NTM: variants seen among roughly 807,000 people sequenced by gnomAD.
The protein encoded by NTM is IgLON family member 2.
A neutral mutation model predicts 42.1 loss-of-function variants in NTM; 13 were observed. The observed-to-expected ratio is 0.31, with a 90% confidence interval of 0.20 to 0.49. NTM has a LOEUF of 0.49. Ranked by LOEUF, NTM falls within the 20% of genes least tolerant of loss-of-function variation. The pLI is 0.99. For synonymous variants in NTM, 187 were observed against 179.2 expected, an observed-to-expected ratio of 1.04 and a Z score of -0.35; for missense variants, 373 against 452.8, an observed-to-expected ratio of 0.82 and a Z score of 1.60.
intron 1 of NTM, among the ~76,000 whole-genome samples, chr11:131,691,785 A>C (rs2074789469): frequency 6.6e-6 from 1 of 152,152 alleles, no homozygotes; most frequent in African/African-American, 2.4e-5. Context: ...CGGGGCTGGG[A>C]GGGAGGCGGC....
chr11:132,140,583 G>A (rs1458038231), intron 2 of NTM, among the ~76,000 whole-genome samples: 1 of 152,178 alleles, frequency 6.6e-6, no homozygotes, highest in African/African-American at 2.4e-5. Context: ...AAATCCAGTA[G>A]GGTCAAAATT....
At chr11:132,325,369 C>T (rs1191187442) in intron 7 of NTM, among the ~76,000 whole-genome samples, 40 of 152,184 alleles carry the variant, frequency 2.6e-4, no homozygotes, top group African/African-American at 9.7e-4. Context: ...CATGAACAGA[C>T]ACTTCTCAAA....
chr11:131,736,098 G>T (rs2080397543), intron 1 of NTM, among the ~76,000 whole-genome samples: 1 of 152,074 alleles, frequency 6.6e-6, no homozygotes, highest in Admixed American at 6.5e-5. Context: ...TTCCCAAAGT[G>T]CTGAGATTAC....
intron 4 of NTM, among the ~76,000 whole-genome samples, chr11:132,241,023 A>C (rs10894525): frequency 0.13 from 19,607 of 152,218 alleles, 1,868 homozygotes; most frequent in East Asian, 0.47. Context: ...GTTTCACACA[A>C]AAAATATTTA....
In NTM at chr11:131,625,313, C is replaced by G. The variant is rs147067335; in HGVS notation, c.82+254425C>G. 2.9e-3 allele frequency among the ~76,000 whole-genome samples: 438 copies of G among 152,302 alleles called. 2 individuals are homozygous for G. The highest frequency in any genetic ancestry group is 9.9e-3 in the African/African-American group (413 of 41,574). ...CCCCCATGATGGTCTTTATGGACCC[C>G]TCTGAGCAAGGGGAGACTCTCTTGT... On this transcript the variant is annotated intron_variant, in intron 1 of 8. Transcript: ENST00000683400.
chr11:132,293,152 G>GA (rs1317114292), intron 4 of NTM, among the ~76,000 whole-genome samples: 6 of 151,978 alleles, frequency 3.9e-5, no homozygotes, highest in South Asian at 2.1e-4. Flanking sequence ...TTATTGAATA[G>GA]AAAAAAATAA....
intron 1 of NTM, among the ~76,000 whole-genome samples, chr11:131,494,175 G>GTTA (rs904957547): frequency 6.6e-6 from 1 of 151,988 alleles, no homozygotes; most frequent in African/African-American, 2.4e-5. Flanking sequence ...TGTTACTATT[G>GTTA]TTATTATTAT....
chr11:131,968,763 A>G (rs1433360789), intron 2 of NTM, among the ~76,000 whole-genome samples: 1 of 152,134 alleles, frequency 6.6e-6, no homozygotes, highest in African/African-American at 2.4e-5. Flanking sequence ...ATTCACACAT[A>G]TCCTCCCCCG....
At chr11:131,811,657 T>A (rs895545786) in intron 1 of NTM, among the ~76,000 whole-genome samples, 1 of 152,206 alleles carries the variant, frequency 6.6e-6, no homozygotes, top group Non-Finnish European at 1.5e-5. Flanking sequence ...GGAGATTTAA[T>A]GGTGTAACTC....
chr11:131,921,083 A>C (rs574323487), intron 2 of NTM, among the ~76,000 whole-genome samples: 7 of 152,350 alleles, frequency 4.6e-5, no homozygotes, highest in African/African-American at 1.7e-4. Context: ...GTTTTTATAC[A>C]GAAAAGCTGG....
chr11:131,482,957 G>A (rs1953771402), intron 1 of NTM, among the ~76,000 whole-genome samples: 1 of 152,236 alleles, frequency 6.6e-6, no homozygotes, highest in Non-Finnish European at 1.5e-5. Context: ...AGCACACGCA[G>A]AGGAAAGTTA....
chr11:132,201,068 T>C (rs1354389760), intron 3 of NTM, among the ~76,000 whole-genome samples: 1 of 152,170 alleles, frequency 6.6e-6, no homozygotes, highest in Non-Finnish European at 1.5e-5. Flanking sequence ...AGCTAACATC[T>C]TCCTGATTTT....
At chr11:131,571,599 C>T (rs1303377100) in intron 1 of NTM, among the ~76,000 whole-genome samples, 2 of 152,214 alleles carry the variant, frequency 1.3e-5, no homozygotes, top group African/African-American at 2.4e-5. Flanking sequence ...CAGGCTGCCT[C>T]TTGGCACCAC....
At chr11:132,153,144 C>T (rs1265031900) in intron 3 of NTM, among the ~76,000 whole-genome samples, 4 of 152,204 alleles carry the variant, frequency 2.6e-5, no homozygotes, top group Non-Finnish European at 5.9e-5. Flanking sequence ...GGTGCTTTTC[C>T]ACAGGGAGTC....
chr11:132,321,400 T>C (rs1472813744), intron 7 of NTM, among the ~76,000 whole-genome samples: 1 of 152,106 alleles, frequency 6.6e-6, no homozygotes, highest in Non-Finnish European at 1.5e-5. Context: ...CAGGAGCCGA[T>C]GTGATCAACT....
chr11:131,419,389 CA>C (rs1386715679), intron 1 of NTM, among the ~76,000 whole-genome samples: 8 of 152,074 alleles, frequency 5.3e-5, no homozygotes. Flanking sequence ...GAGAATAAGA[CA>C]GGGGTAGAGG....
At chr11:131,650,310 A>G (rs2066316465) in intron 1 of NTM, among the ~76,000 whole-genome samples, 1 of 152,184 alleles carries the variant, frequency 6.6e-6, no homozygotes, top group South Asian at 2.1e-4. Context: ...GTGCTAGTCA[A>G]GAGGTGTGGA....
At chr11:132,102,952 G>A (rs191895752) in intron 2 of NTM, among the ~76,000 whole-genome samples, 12 of 152,298 alleles carry the variant, frequency 7.9e-5, no homozygotes, top group Admixed American at 3.3e-4. Flanking sequence ...CAACTTTTCC[G>A]AACTGAGCAC....
chr11:131,644,188 A>T (rs1388407709), intron 1 of NTM, among the ~76,000 whole-genome samples: 1 of 152,096 alleles, frequency 6.6e-6, no homozygotes, highest in African/African-American at 2.4e-5. Flanking sequence ...GCTGAGACTG[A>T]TACTGTCATT....
Sources: gnomAD v4.1 joint callset for allele counts (sites outside exome capture counted in the v4.1 genomes callset) on GRCh38, gnomAD v4.1.1 for gene constraint, MANE v1.5 for transcripts, NCBI Gene and HGNC (gene_info 2026-07-23, HGNC 2026-07-21) for gene names.